Variants in TMEFF1 observed in about 807,000 individuals in gnomAD.
TMEFF1 encodes tomoregulin-1.
A neutral mutation model predicts 47.5 loss-of-function variants in TMEFF1; 20 were observed. The observed-to-expected ratio is 0.42, with a 90% CI of 0.30 to 0.61. TMEFF1 has a LOEUF of 0.61. Among genes scored for constraint, TMEFF1 ranks in the 20% least tolerant of loss-of-function variants. The pLI, the probability that TMEFF1 is intolerant of heterozygous loss-of-function variation, is 0.19. For synonymous variants in TMEFF1, 162 were observed against 166.3 expected, an observed-to-expected ratio of 0.97 and a Z score of 0.20; for missense variants, 411 against 471.1, an observed-to-expected ratio of 0.87 and a Z score of 1.18.
intron 1 of TMEFF1, among the ~76,000 whole-genome samples, chr9:100,483,788 G>GT (rs60258093): frequency 0.2 from 29,031 of 148,566 alleles, 3,228 homozygotes; most frequent in African/African-American, 0.29. Flanking sequence ...CTGTCTGTCT[G>GT]TTTTTTTTTT....
rs755344865 is a variant in TMEFF1 at position 100,561,461 on chromosome 9, T to C, written c.840T>C (p.Asn280=). The C allele has an allele frequency of 2.2e-5, 36 of 1,613,840 alleles. No individual in the cohort carries two copies. Among genetic ancestry groups the C allele is most frequent in the Non-Finnish European group, 3.1e-5 (36 of 1,179,888 alleles). The change falls in exon 8 of 10, where the codon AAT becomes AAC. Residue 280 remains asparagine, a synonymous_variant. Transcript: ENST00000374879. ...GNHMPCPENL[N]GYCIHGKCEF... is the part of the protein sequence containing the mutation. ...ACATGCCTTGCCCTGAAAACCTCAA[T>C]GGTTACTGCATCCATGGAAAATGTG...
chr9:100,528,146 CAG>C (rs1838302592), intron 5 of TMEFF1, among the ~76,000 whole-genome samples: 1 of 150,734 alleles, frequency 6.6e-6, no homozygotes, highest in Non-Finnish European at 1.5e-5. Context: ...GGGGAAAAAA[CAG>C]AACAGAAAAA....
At chr9:100,549,668 T>G (rs548259403) in intron 6 of TMEFF1, among the ~76,000 whole-genome samples, 1 of 152,322 alleles carries the variant, frequency 6.6e-6, no homozygotes, top group South Asian at 2.1e-4. Flanking sequence ...GGGTCATTTT[T>G]TATAGTAAGT....
chr9:100,503,838 C>T (rs181743204), intron 2 of TMEFF1, among the ~76,000 whole-genome samples: 1 of 152,248 alleles, frequency 6.6e-6, no homozygotes, highest in Admixed American at 6.5e-5. Context: ...TTTACTTGAT[C>T]CACTGATGCA....
intron 8 of TMEFF1, among the ~76,000 whole-genome samples, chr9:100,562,880 C>T (rs1839047158): frequency 2.6e-5 from 4 of 152,134 alleles, no homozygotes; most frequent in Admixed American, 1.3e-4. Flanking sequence ...TGCAGTGGTG[C>T]GATCTCGGCT....
intron 5 of TMEFF1, among the ~76,000 whole-genome samples, chr9:100,540,218 C>G (rs1838602914): frequency 6.6e-6 from 1 of 151,840 alleles, no homozygotes; most frequent in African/African-American, 2.4e-5. Flanking sequence ...CAAAAGTTCT[C>G]CAAGTCCCCA....
At chr9:100,523,307 C>G (rs927803040) in intron 5 of TMEFF1, among the ~76,000 whole-genome samples, 3 of 152,188 alleles carry the variant, frequency 2.0e-5, no homozygotes, top group African/African-American at 7.2e-5. Flanking sequence ...GCCTACCTTG[C>G]GTTCTCCCAC....
At chr9:100,567,610 A>ATGAAT (rs1418561183) in intron 8 of TMEFF1, among the ~76,000 whole-genome samples, 1 of 152,192 alleles carries the variant, frequency 6.6e-6, no homozygotes, top group Non-Finnish European at 1.5e-5. Context: ...GGATGTGTGA[A>ATGAAT]TGAATTCACA....
intron 5 of TMEFF1, among the ~76,000 whole-genome samples, chr9:100,535,544 G>A (rs1171090703): frequency 6.6e-6 from 1 of 152,208 alleles, no homozygotes; most frequent in African/African-American, 2.4e-5. Flanking sequence ...GCCGAGGTGG[G>A]GGAATCACTT....
chr9:100,498,646 T>C, intron 1 of TMEFF1, 119 bp from the exon 2 acceptor site: 1 of 825,164 alleles, frequency 1.2e-6, no homozygotes. Context: ...ATTACACTTC[T>C]GAATGGGGGG....
chr9:100,550,034 G>T, intron 6 of TMEFF1, 61 bp from the exon 7 acceptor site: 1 of 1,551,794 alleles, frequency 6.4e-7, no homozygotes, highest in Non-Finnish European at 8.7e-7. Context: ...ATTATTGGGA[G>T]TATCATGATA....
intron 9 of TMEFF1, among the ~76,000 whole-genome samples, chr9:100,573,681 A>C (rs1182549250): frequency 6.6e-6 from 1 of 152,214 alleles, no homozygotes; most frequent in Non-Finnish European, 1.5e-5. Flanking sequence ...TGGCCCTTCT[A>C]TCCAAGGTCT....
chr9:100,526,837 C>T (rs983663752), intron 5 of TMEFF1, among the ~76,000 whole-genome samples: 5 of 150,624 alleles, frequency 3.3e-5, no homozygotes, highest in African/African-American at 9.8e-5. Flanking sequence ...TACTTTTGGC[C>T]GGGCATGGTG....
chr9:100,549,142 T>C (rs528547200), intron 6 of TMEFF1, among the ~76,000 whole-genome samples: 1 of 152,266 alleles, frequency 6.6e-6, no homozygotes, highest in East Asian at 1.9e-4. Flanking sequence ...AGAGGTATAA[T>C]TGGCTTACAG....
chr9:100,542,053 T>C (rs1232054860), intron 5 of TMEFF1, among the ~76,000 whole-genome samples: 1 of 151,986 alleles, frequency 6.6e-6, no homozygotes, highest in Non-Finnish European at 1.5e-5. Context: ...AATACTGATA[T>C]TTTTTTTCTT....
chr9:100,519,272 G>C (rs968708054), intron 5 of TMEFF1, among the ~76,000 whole-genome samples: 9 of 151,960 alleles, frequency 5.9e-5, no homozygotes, highest in African/African-American at 2.2e-4. Flanking sequence ...GCTGGGTGTG[G>C]TGGCATGCAC....
chr9:100,477,567 A>G (rs1422748495), intron 1 of TMEFF1, among the ~76,000 whole-genome samples: 1 of 151,572 alleles, frequency 6.6e-6, no homozygotes, highest in Non-Finnish European at 1.5e-5. Context: ...AGAATTTTTC[A>G]GCAGTTACAT....
At position 100,527,674 on chromosome 9, in the gene TMEFF1, G is replaced by A. The variant is rs539002131; in HGVS notation, c.560+10903G>A. ...CAGCGAGGCTGGGGGAGGGGCACCC[G>A]CCATTGCCCAGGCTTGCTTACGTAA... is the stretch of plus-strand genomic sequence containing the variant. On this transcript the variant is annotated intron_variant, in intron 5 of 9. Coordinates refer to ENST00000374879, the MANE Select transcript of TMEFF1 (RefSeq NM_003692.5). 9.2e-5 allele frequency among the ~76,000 whole-genome samples: 14 copies of A among 152,296 alleles called. No individual in the cohort carries two copies. The South Asian group carries it at 1.7e-3, about 18-fold the overall frequency.
intron 2 of TMEFF1, among the ~76,000 whole-genome samples, chr9:100,507,334 T>C (rs2118353605): frequency 6.6e-6 from 1 of 152,300 alleles, no homozygotes; most frequent in South Asian, 2.1e-4. Flanking sequence ...GGTGCATGTG[T>C]CTTTTTGGTA....
Sources: allele counts gnomAD v4.1 joint callset (sites outside exome capture counted in the v4.1 genomes callset), GRCh38; gene constraint gnomAD v4.1.1; transcripts MANE v1.5; gene names NCBI Gene and HGNC (gene_info 2026-07-23, HGNC 2026-07-21).